Variants in MAML3 observed in about 807,000 individuals in gnomAD.
MAML3 encodes the protein mastermind-like protein 3.
A neutral mutation model predicts 101.9 loss-of-function variants in MAML3; 27 were observed. The ratio of observed to expected loss-of-function variants is 0.27; its 90% CI spans 0.20 to 0.37. The LOEUF (loss-of-function observed/expected upper bound fraction) is 0.37. MAML3 is among the 10% of genes least tolerant of loss of function. The pLI is 1.00. For synonymous variants in MAML3, 501 were observed against 555.9 expected, an observed-to-expected ratio of 0.90 and a Z score of 1.39; for missense variants, 1,316 against 1,444.9, an observed-to-expected ratio of 0.91 and a Z score of 1.45.
At chr4:140,036,882 C>T (rs559028241) in intron 1 of MAML3, among the ~76,000 whole-genome samples, 3 of 152,236 alleles carry the variant, frequency 2.0e-5, no homozygotes, top group Admixed American at 6.5e-5. Flanking sequence ...TTGAAGATGA[C>T]GGTGGCTCAG....
At chr4:140,040,416 C>T (rs1282844619) in intron 1 of MAML3, among the ~76,000 whole-genome samples, 1 of 152,238 alleles carries the variant, frequency 6.6e-6, no homozygotes, top group Non-Finnish European at 1.5e-5. Context: ...AAACAGAACT[C>T]ATCTCCAGGT....
chr4:139,908,638 T>A (rs1732862405), intron 1 of MAML3, among the ~76,000 whole-genome samples: 1 of 152,274 alleles, frequency 6.6e-6, no homozygotes, highest in Non-Finnish European at 1.5e-5. Flanking sequence ...CTGTTGTTAC[T>A]TTTAAATATA....
At chr4:140,025,358 G>A (rs561704010) in intron 1 of MAML3, among the ~76,000 whole-genome samples, 6 of 152,250 alleles carry the variant, frequency 3.9e-5, no homozygotes, top group African/African-American at 1.4e-4. Flanking sequence ...CAGATGAACT[G>A]AGTATGACAA....
intron 2 of MAML3, among the ~76,000 whole-genome samples, chr4:139,884,161 G>A (rs1242508220): frequency 6.6e-6 from 1 of 152,126 alleles, no homozygotes; most frequent in Non-Finnish European, 1.5e-5. Context: ...TGGGATTACA[G>A]GCGTGAGCCA....
chr4:139,886,064 T>C (rs940674730), intron 2 of MAML3, among the ~76,000 whole-genome samples: 1 of 151,792 alleles, frequency 6.6e-6, no homozygotes, highest in Non-Finnish European at 1.5e-5. Flanking sequence ...TAAAAAATGT[T>C]ATTGCTACTT....
intron 1 of MAML3, among the ~76,000 whole-genome samples, chr4:139,982,202 C>T (rs1442374791): frequency 6.6e-6 from 1 of 152,166 alleles, no homozygotes; most frequent in East Asian, 1.9e-4. Context: ...TGGATGTTTA[C>T]TTTATACTTT....
chr4:140,152,946 C>A lies in MAML3; in HGVS notation c.382G>T (p.Gly128Cys), dbSNP rs748891289. ...CTCGGGTGCTGCTGTTTGCCGGTGC[C>A]GGCGCCCGATTTCTTGGCCCTCTGC... is the stretch of plus-strand genomic sequence containing the variant. ...LEQRAKKSGA[G>C]TGKQQHPSKP... The change falls in exon 1 of 5, where the codon GGC becomes TGC. Residue 128 changes from glycine to cysteine, a missense_variant. Physicochemically the swap from Gly to Cys is radical, Grantham distance 159 (BLOSUM62 -3). Coordinates refer to ENST00000509479, the MANE Select transcript of MAML3 (RefSeq NM_018717.5). 4 of 1,612,344 alleles carry A rather than the reference C, an allele frequency of 2.5e-6. No individual in the cohort carries two copies. The highest frequency in any genetic ancestry group is 1.3e-5 in the African/African-American group (1 of 74,876).
chr4:139,922,641 G>T (rs1733149984), intron 1 of MAML3, among the ~76,000 whole-genome samples: 1 of 152,156 alleles, frequency 6.6e-6, no homozygotes, highest in Non-Finnish European at 1.5e-5. Flanking sequence ...GGAGCCTAGG[G>T]TTTCTTTTAC....
chr4:140,136,488 T>C (rs1216536223), intron 1 of MAML3, among the ~76,000 whole-genome samples: 1 of 152,190 alleles, frequency 6.6e-6, no homozygotes, highest in African/African-American at 2.4e-5. Context: ...TCAGATGACA[T>C]GAATCTTAAC....
intron 1 of MAML3, among the ~76,000 whole-genome samples, chr4:140,020,926 A>G (rs1486677814): frequency 1.3e-5 from 2 of 152,222 alleles, no homozygotes; most frequent in Non-Finnish European, 2.9e-5. Flanking sequence ...ATGACAAAGC[A>G]AAATTCCATC....
intron 1 of MAML3, among the ~76,000 whole-genome samples, chr4:140,101,220 G>T (rs1262527414): frequency 1.3e-5 from 2 of 152,170 alleles, no homozygotes; most frequent in Non-Finnish European, 2.9e-5. Context: ...TCAAGTTTTG[G>T]TGTGGTTTGC....
At chr4:139,801,559 T>C (rs1054179097) in intron 2 of MAML3, among the ~76,000 whole-genome samples, 1 of 152,022 alleles carries the variant, frequency 6.6e-6, no homozygotes, top group East Asian at 1.9e-4. Flanking sequence ...CTAGTGAAGA[T>C]GGCAAAACTG....
intron 2 of MAML3, among the ~76,000 whole-genome samples, chr4:139,873,409 A>G (rs1448367811): frequency 6.6e-6 from 1 of 152,210 alleles, no homozygotes; most frequent in African/African-American, 2.4e-5. Context: ...TAAAATGCCA[A>G]AGCCATTCAT....
chr4:139,891,853 G>T (rs535416222), intron 1 of MAML3, among the ~76,000 whole-genome samples: 2 of 152,126 alleles, frequency 1.3e-5, no homozygotes, highest in Non-Finnish European at 2.9e-5. Context: ...CTAAAAGCAC[G>T]TTTCCACCGG....
At chr4:139,992,058 T>C (rs1245102432) in intron 1 of MAML3, among the ~76,000 whole-genome samples, 4 of 152,200 alleles carry the variant, frequency 2.6e-5, no homozygotes, top group Non-Finnish European at 5.9e-5. Flanking sequence ...ACTTTGTGTC[T>C]CCACAAATCG....
chr4:139,939,796 G>A (rs569206202), intron 1 of MAML3, among the ~76,000 whole-genome samples: 2 of 139,440 alleles, frequency 1.4e-5, no homozygotes, highest in South Asian at 2.2e-4. Flanking sequence ...ATGGAGTCTC[G>A]CACTATCATC....
At chr4:140,122,695 G>A (rs1437839929) in intron 1 of MAML3, among the ~76,000 whole-genome samples, 6 of 151,084 alleles carry the variant, frequency 4.0e-5, no homozygotes, top group African/African-American at 1.5e-4. Context: ...GGGAGGCTGC[G>A]GCAGGAGAAT....
chr4:140,016,348 T>C (rs1726641731), intron 1 of MAML3, among the ~76,000 whole-genome samples: 1 of 152,206 alleles, frequency 6.6e-6, no homozygotes, highest in Non-Finnish European at 1.5e-5. Context: ...TAGTAAGATG[T>C]GACTTTTCCT....
chr4:139,919,902 T>C (rs769651), intron 1 of MAML3, among the ~76,000 whole-genome samples: 109,522 of 152,116 alleles, frequency 0.72, 40,669 homozygotes, highest in East Asian at 0.92. Flanking sequence ...CTTGATTTAT[T>C]AAAGTTGCAG....
Sources: gnomAD v4.1 joint callset for allele counts (sites outside exome capture counted in the v4.1 genomes callset) on GRCh38, gnomAD v4.1.1 for gene constraint, MANE v1.5 for transcripts, NCBI Gene and HGNC (gene_info 2026-07-23, HGNC 2026-07-21) for gene names.